MET: variants seen among roughly 807,000 people sequenced by gnomAD.
The protein encoded by MET is MET proto-oncogene, receptor tyrosine kinase, also known as hepatocyte growth factor receptor.
MET carries 48 observed loss-of-function variants against 133.1 expected under a neutral mutation model. The ratio of observed to expected loss-of-function variants is 0.36; its 90% CI spans 0.29 to 0.46. MET has a LOEUF of 0.46. MET is among the 20% of genes least tolerant of loss of function. The pLI is 1.00. For missense variants in MET, 1,442 were observed against 1,695.9 expected (o/e 0.85, Z 2.63); for synonymous variants, 628 against 616.5 (o/e 1.02, Z -0.28).
chr7:116,716,467 GAGAAAGAA>G (rs531059164), intron 2 of MET, among the ~76,000 whole-genome samples: 21,496 of 108,054 alleles, frequency 0.2, 2,198 homozygotes, highest in African/African-American at 0.21. Flanking sequence ...AAGAAAGAAA[GAGAAAGAA>G]AGAAAGAAAG....
intron 14 of MET, among the ~76,000 whole-genome samples, chr7:116,773,311 A>T (rs1321451850): frequency 6.6e-6 from 1 of 152,220 alleles, no homozygotes; most frequent in Non-Finnish European, 1.5e-5. Context: ...CAGCATTCTC[A>T]TCAGACTTTT....
intron 1 of MET, among the ~76,000 whole-genome samples, chr7:116,676,412 CA>C (rs1253465718): frequency 6.6e-6 from 1 of 152,160 alleles, no homozygotes; most frequent in Admixed American, 6.5e-5. Flanking sequence ...TCATTCAGGA[CA>C]ATTTTTTGAC....
chr7:116,706,778 T>C (rs1791810318), intron 2 of MET, among the ~76,000 whole-genome samples: 1 of 152,066 alleles, frequency 6.6e-6, no homozygotes, highest in Admixed American at 6.6e-5. Context: ...CCCAGATATG[T>C]GCCCTAAGTC....
At chr7:116,736,756 GTGACC>G (rs1793230020) in intron 3 of MET, among the ~76,000 whole-genome samples, 6 of 152,178 alleles carry the variant, frequency 3.9e-5, no homozygotes, top group African/African-American at 1.2e-4. Flanking sequence ...AAAATATCCT[GTGACC>G]TAATTACTAA....
chr7:116,702,243 G>A (rs1791607913), intron 2 of MET, among the ~76,000 whole-genome samples: 1 of 152,108 alleles, frequency 6.6e-6, no homozygotes, highest in South Asian at 2.1e-4. Flanking sequence ...GATGGAACTT[G>A]CCAACATAGT....
At chr7:116,781,757 G>T (rs762601307) in intron 17 of MET, among the ~76,000 whole-genome samples, 1 of 152,072 alleles carries the variant, frequency 6.6e-6, no homozygotes, top group Non-Finnish European at 1.5e-5. Context: ...CGGTGGATGG[G>T]AGTAAAGACA....
chr7:116,731,864 G>C lies in MET; in HGVS notation c.1392+5G>C, dbSNP rs386833405. 3.7e-5 allele frequency: 59 copies of C among 1,613,716 alleles called. No individual in the cohort carries two copies. Among genetic ancestry groups the C allele is most frequent in the Non-Finnish European group, 4.7e-5 (56 of 1,179,764 alleles). ...TCAGAGGGTCGCTTCATGCAGGTAA[G>C]TGCTTTCTGAGAGTAGCTGTGTCTG... On this transcript the variant is annotated splice_donor_5th_base_variant and intron_variant, in intron 3 of 20. Coordinates refer to ENST00000397752, the MANE Select transcript of MET (RefSeq NM_000245.4).
intron 19 of MET, among the ~76,000 whole-genome samples, chr7:116,790,101 C>T (rs1351527149): frequency 6.6e-6 from 1 of 152,190 alleles, no homozygotes; most frequent in Non-Finnish European, 1.5e-5. Flanking sequence ...CAGCTTCCAG[C>T]TTCATCCATG....
intron 2 of MET, among the ~76,000 whole-genome samples, chr7:116,729,606 T>A (rs182227689): frequency 2.0e-5 from 3 of 152,332 alleles, no homozygotes; most frequent in East Asian, 3.9e-4. Flanking sequence ...ACACTTATAG[T>A]TACATACAAA....
At chr7:116,790,170 A>T (rs748074774) in intron 19 of MET, among the ~76,000 whole-genome samples, 48 of 152,332 alleles carry the variant, frequency 3.2e-4, no homozygotes, top group Middle Eastern at 3.4e-3. Context: ...ATTTTTAAAT[A>T]CACAGTACAG....
Position 116,766,274 on chromosome 7 carries a change from A to G in MET, c.2583+3006A>G, listed in dbSNP as rs549919945. ...CTTATTCTGCAGCATATAGGAACAT[A>G]TGAGAATAAAGATGCTTCAAATGTT... On this transcript the variant is annotated intron_variant, in intron 11 of 20. Transcript: ENST00000397752. 2.6e-5 allele frequency among the ~76,000 whole-genome samples: 4 copies of G among 152,346 alleles called. No individual in the cohort carries two copies. The East Asian group carries it at 7.7e-4, about 29-fold the overall frequency.
rs1196399036 is a variant in MET at position 116,763,199 on chromosome 7, T to C, written c.2514T>C (p.Asn838=). 3 of 1,614,056 alleles carry C rather than the reference T, an allele frequency of 1.9e-6. No individual in the cohort carries two copies. Among genetic ancestry groups the C allele is most frequent in the East Asian group, 2.2e-5 (1 of 44,854 alleles). The change falls in exon 11 of 21, where the codon AAT becomes AAC. Residue 838 remains asparagine (N), a synonymous_variant. Coordinates refer to ENST00000397752, the MANE Select transcript of MET (RefSeq NM_000245.4). ...SKYFDLIYVH[N]PVFKPFEKPV... ...ACTTTGATCTCATTTATGTACATAATCCTGTGTTTAAGCCTTTTGAAAAGC... is the reference window on the plus strand; with the variant it reads ...ACTTTGATCTCATTTATGTACATAACCCTGTGTTTAAGCCTTTTGAAAAGC...
At chr7:116,735,561 C>T (rs1323023024) in intron 3 of MET, among the ~76,000 whole-genome samples, 2 of 152,096 alleles carry the variant, frequency 1.3e-5, no homozygotes, top group Non-Finnish European at 2.9e-5. Flanking sequence ...GGAATTACTG[C>T]CATTTTAGAG....
intron 3 of MET, among the ~76,000 whole-genome samples, chr7:116,734,264 G>C (rs984156001): frequency 6.6e-6 from 1 of 152,150 alleles, no homozygotes; most frequent in Non-Finnish European, 1.5e-5. Flanking sequence ...ACACAAAAGG[G>C]AACAGAAAGA....
chr7:116,693,936 G>T (rs750629072), intron 1 of MET, among the ~76,000 whole-genome samples: 1 of 152,192 alleles, frequency 6.6e-6, no homozygotes, highest in Non-Finnish European at 1.5e-5. Context: ...AGTGAGGTAG[G>T]TACTATAATC....
chr7:116,680,508 T>C (rs965919829), intron 1 of MET, among the ~76,000 whole-genome samples: 1 of 152,024 alleles, frequency 6.6e-6, no homozygotes, highest in African/African-American at 2.4e-5. Flanking sequence ...AGATGGGATA[T>C]TGGATCAATG....
In MET at chr7:116,699,561, C is replaced by T. The variant is rs1584876898; in HGVS notation, c.477C>T (p.His159=). The change falls in exon 2 of 21, where the codon CAC becomes CAT. Residue 159 remains histidine, a synonymous_variant. Coordinates refer to ENST00000397752, the MANE Select transcript of MET (RefSeq NM_000245.4). ...NHTADIQSEV[H]CIFSPQIEEP... ...CTGCTGACATACAGTCGGAGGTTCA[C>T]TGCATATTCTCCCCACAGATAGAAG... is the stretch of plus-strand genomic sequence containing the variant. 1 of 1,614,048 alleles carries T rather than the reference C, an allele frequency of 6.2e-7. No individual in the cohort carries two copies. Among genetic ancestry groups the T allele is most frequent in the Non-Finnish European group, 8.5e-7 (1 of 1,179,950 alleles).
At chr7:116,715,345 T>G (rs181059104) in intron 2 of MET, among the ~76,000 whole-genome samples, 1 of 152,312 alleles carries the variant, frequency 6.6e-6, no homozygotes, top group African/African-American at 2.4e-5. Context: ...CTTGCAATTC[T>G]GGTGTCCCAG....
Position 116,781,940 on chromosome 7 carries a change from G to A in MET, c.3523-48G>A, listed in dbSNP as rs770869284. The A allele has an allele frequency of 6.8e-5, 79 of 1,154,078 alleles. No homozygotes were observed. The South Asian group carries it at 9.4e-4, about 14-fold the overall frequency. 71.5% of individuals were successfully genotyped at this position (1,154,078 alleles called of 1,614,324 possible). A position where few individuals can be genotyped will look rare whatever the true frequency, so the allele number is the denominator to read the frequency against. Reference sequence around the variant, plus strand: ...TTTCAGAATTCTAAGGTCAAAATTAGAACAGTAGATGCTTAGTTTATGCTT... The same window carrying A: ...TTTCAGAATTCTAAGGTCAAAATTAAAACAGTAGATGCTTAGTTTATGCTT... On this transcript the variant is annotated intron_variant, in intron 17 of 20. Transcript: ENST00000397752.
Sources: allele counts gnomAD v4.1 joint callset (sites outside exome capture counted in the v4.1 genomes callset), GRCh38; gene constraint gnomAD v4.1.1; transcripts MANE v1.5; gene names NCBI Gene and HGNC (gene_info 2026-07-23, HGNC 2026-07-21).